RNF213: variants seen among roughly 807,000 people sequenced by gnomAD.
RNF213 encodes E3 ubiquitin-protein ligase RNF213.
In RNF213, 341 loss-of-function variants were observed where a neutral mutation model predicts 514.4. The observed-to-expected ratio is 0.66, with a 90% confidence interval of 0.61 to 0.73. The LOEUF is 0.73. Among genes scored for constraint, RNF213 ranks in the 30% least tolerant of loss-of-function variants. The pLI, the probability that RNF213 is intolerant of heterozygous loss-of-function variation, is 0.00. For missense variants in RNF213, 5,767 were observed against 6,615.6 expected (o/e 0.87, Z 4.45); for synonymous variants, 2,655 against 2,658.2 (o/e 1.00, Z 0.04).
rs2079819497 is a variant in RNF213 at position 80,377,747 on chromosome 17, C to G, written c.13511-15C>G. The G allele has an allele frequency of 6.2e-7, 1 of 1,614,124 alleles. No homozygotes were observed. The highest frequency in any genetic ancestry group is 8.5e-7 in the Non-Finnish European group (1 of 1,179,972). ...GAAACCTCATTAGCCAATGTGTGTC[C>G]TGTTCTCTTCACAGCTTGTCCCAAC... is the stretch of plus-strand genomic sequence containing the variant. On this transcript the variant is annotated splice_polypyrimidine_tract_variant and intron_variant, in intron 53 of 67. Transcript: ENST00000582970. This position sits in a 1 kb window ranked among gnomAD's most constrained non-coding sequence, Gnocchi z 4.1.
intron 11 of RNF213, among the ~76,000 whole-genome samples, chr17:80,300,610 G>A (rs2045141668): frequency 6.6e-6 from 1 of 152,042 alleles, no homozygotes; most frequent in South Asian, 2.1e-4. Flanking sequence ...CTGGATTGCA[G>A]TGGCACAATC....
At chr17:80,390,241 G>A (rs1190392620) in intron 67 of RNF213, 45 bp downstream of exon 67, 1 of 1,583,240 alleles carries the variant, frequency 6.3e-7, no homozygotes, top group Non-Finnish European at 8.7e-7. Context: ...ACAATGTTGT[G>A]CTGTCTCTCC....
At position 80,375,849 on chromosome 17, in the gene RNF213, A is replaced by C. The variant is rs1430733970; in HGVS notation, c.13164A>C (p.Ala4388=). The change falls in exon 51 of 68, where the codon GCA becomes GCC. Residue 4388 remains alanine (A), a synonymous_variant. Transcript: ENST00000582970. ...EVAILYRSHN[A]SLHPTPEQCE... ...CTATTTTGTACAGATCCCACAATGC[A>C]AGCCTCCACCCCACGCCAGAGGTGA... is the stretch of plus-strand genomic sequence containing the variant. The C allele has an allele frequency of 6.2e-7, 1 of 1,613,310 alleles. No homozygotes were observed. The highest frequency in any genetic ancestry group is 8.5e-7 in the Non-Finnish European group (1 of 1,179,230).
intron 42 of RNF213, 140 bp from the exon 43 acceptor site, chr17:80,367,608 A>G (rs2079328298): frequency 5.9e-6 from 4 of 678,824 alleles, no homozygotes; most frequent in Non-Finnish European, 1.1e-5. Flanking sequence ...CGTTAAACAC[A>G]GGATCACAAA....
Position 80,395,435 on chromosome 17 carries a change from CTG to C in RNF213, c.*1940_*1941del, listed in dbSNP as rs770013653. Reference sequence around the variant, plus strand: ...GCACCCATGAAGTAGTGTGTTCAGACTGTGCACACAGAAAACAGGCTCTGCCT... The same window carrying C: ...GCACCCATGAAGTAGTGTGTTCAGACTGCACACAGAAAACAGGCTCTGCCT... On this transcript the variant is annotated 3_prime_UTR_variant, in exon 68 of 68. Transcript: ENST00000582970. The C allele has an allele frequency of 1.2e-4, 18 of 152,318 alleles. No homozygotes were observed. The highest frequency in any genetic ancestry group is 2.1e-4 in the Non-Finnish European group (14 of 68,036). The allele number at this position is 152,318 out of a possible 1,614,324, so 9.4% of individuals were successfully genotyped here. A position where few individuals can be genotyped will look rare whatever the true frequency, so the allele number is the denominator to read the frequency against.
Position 80,364,477 on chromosome 17 carries a change from A to G in RNF213, c.11795A>G (p.His3932Arg), listed in dbSNP as rs532470781. ...TTCTCCACCGCACTCTTCGTGGAGCACGTGCTCCTAGGAACCGAGAGCCGC... is the reference window on the plus strand; with the variant it reads ...TTCTCCACCGCACTCTTCGTGGAGCGCGTGCTCCTAGGAACCGAGAGCCGC... Reference protein sequence around the residue: ...RIFSTALFVEHVLLGTESRVP... With the variant: ...RIFSTALFVERVLLGTESRVP... Residue 3932 changes from histidine to arginine, a missense_variant, in exon 42 of 68, where the codon CAC becomes CGC. Around this residue, in one of 13 missense-constraint regions of RNF213, gnomAD observed 355 missense variants for 358.0 expected, o/e 0.99. Transcript: ENST00000582970. 1 of 1,614,112 alleles carries G rather than the reference A, an allele frequency of 6.2e-7. No homozygotes were observed. Among genetic ancestry groups the G allele is most frequent in the East Asian group, 2.2e-5 (1 of 44,876 alleles).
intron 63 of RNF213, among the ~76,000 whole-genome samples, chr17:80,387,490 A>G (rs981079006): frequency 2.0e-5 from 3 of 152,224 alleles, no homozygotes; most frequent in African/African-American, 7.2e-5. Context: ...GTAACCTGCC[A>G]GCAGATGCCA....
chr17:80,387,003 G>A, intron 63 of RNF213, 112 bp downstream of exon 63: 1 of 1,057,696 alleles, frequency 9.5e-7, no homozygotes, highest in Non-Finnish European at 1.4e-6. Flanking sequence ...AGTCTGGTCT[G>A]TATCTCCTCC....
chr17:80,273,236 T>C lies in RNF213; in HGVS notation c.98-5T>C. The C allele has an allele frequency of 6.2e-7, 1 of 1,613,498 alleles. No homozygotes were observed. Among genetic ancestry groups the C allele is most frequent in the Non-Finnish European group, 8.5e-7 (1 of 1,179,910 alleles). On this transcript the variant is annotated splice_region_variant and splice_polypyrimidine_tract_variant and intron_variant, in intron 2 of 67. Transcript: ENST00000582970. ...ATCTGACCCTTCCTTCATCTGCCGT[T>C]ACAGATTCTGAGAACAATAACTCCA...
chr17:80,352,928 C>T lies in RNF213; in HGVS notation c.10304-12C>T. The stretch of plus-strand genomic sequence containing the variant: ...ACACAAAGACAGTTGTGGGTGGCTT[C>T]ACTCTTCACAGGGCTGTGGCAGTCT... On this transcript the variant is annotated splice_polypyrimidine_tract_variant and intron_variant, in intron 32 of 67. Coordinates refer to ENST00000582970, the MANE Select transcript of RNF213 (RefSeq NM_001256071.3). 1 of 1,614,034 alleles carries T rather than the reference C, an allele frequency of 6.2e-7. No individual in the cohort carries two copies. Among genetic ancestry groups the T allele is most frequent in the South Asian group, 1.1e-5 (1 of 91,090 alleles).
rs753192598 is a variant in RNF213, at chr17:80,389,380, C to G, written c.15195+13C>G. 1.2e-6 allele frequency: 2 copies of G among 1,612,782 alleles called. No homozygotes were observed. The highest frequency in any genetic ancestry group is 3.3e-5 in the Admixed American group (2 of 59,930). On this transcript the variant is annotated intron_variant, in intron 65 of 67. Transcript: ENST00000582970. ...TCACGTGTTAAAGGTGGGTCTCACA[C>G]CGAAAAGGAAATCAGCACAGCCCCT... is the stretch of plus-strand genomic sequence containing the variant.
intron 22 of RNF213, 32 bp downstream of exon 22, chr17:80,334,302 G>A: frequency 1.3e-6 from 2 of 1,512,352 alleles, no homozygotes; most frequent in South Asian, 2.4e-5. Flanking sequence ...GCGTGGAAGT[G>A]TGGAGAAAGT....
At chr17:80,330,636 C>T (rs1452007529) in intron 20 of RNF213, among the ~76,000 whole-genome samples, 1 of 152,250 alleles carries the variant, frequency 6.6e-6, no homozygotes, top group East Asian at 1.9e-4. Flanking sequence ...CTTCTGTTAG[C>T]TTCCTGAGAA....
rs139934539 is a variant in RNF213, at chr17:80,339,274, C to T, written c.4907C>T (p.Thr1636Met). Residue 1636 changes from threonine (T) to methionine (M), a missense_variant, in exon 26 of 68, where the codon ACG becomes ATG. Thr to Met is a moderately conservative substitution (Grantham distance 81, BLOSUM62 -1). Coordinates refer to ENST00000582970, the MANE Select transcript of RNF213 (RefSeq NM_001256071.3). ...TCTGCTGGGAATATGCTGTTCAGGA[C>T]GTGGATCGCCATGGCCTACTGCTCC... is the stretch of plus-strand genomic sequence containing the variant. ...LHSAGNMLFR[T>M]WIAMAYCSPK... 46 of 1,533,716 alleles carry T rather than the reference C, an allele frequency of 3.0e-5. No homozygotes were observed. The highest frequency in any genetic ancestry group is 9.6e-5 in the African/African-American group (7 of 73,098).
In RNF213 at chr17:80,390,141, T is replaced by C. The variant is rs1218317689; in HGVS notation, c.15415T>C (p.Leu5139=). 6.2e-7 allele frequency: 1 copy of C among 1,614,190 alleles called. No homozygotes were observed. Among genetic ancestry groups the C allele is most frequent in the East Asian group, 2.2e-5 (1 of 44,886 alleles). The change falls in exon 67 of 68, where the codon TTG becomes CTG. Residue 5139 remains leucine, a synonymous_variant. Coordinates refer to ENST00000582970, the MANE Select transcript of RNF213 (RefSeq NM_001256071.3). ...GCTAGAGCTGCACGAAATGATAATCTTGAAACTAAAGAACCCCCAAACCCA... is the reference window on the plus strand; with the variant it reads ...GCTAGAGCTGCACGAAATGATAATCCTGAAACTAAAGAACCCCCAAACCCA... ...FLLELHEMII[L]KLKNPQTQTE...
intron 32 of RNF213, chr17:80,352,453 A>C: frequency 2.4e-6 from 1 of 416,224 alleles, no homozygotes; most frequent in Non-Finnish European, 4.3e-6. Flanking sequence ...GCGGGGAGGG[A>C]GAGTGGCGGG....
At chr17:80,320,123 G>A in intron 17 of RNF213, 1 of 601,798 alleles carries the variant, frequency 1.7e-6, no homozygotes, top group Non-Finnish European at 2.1e-6. Context: ...CACAGTTAAT[G>A]ACAGAGCATT....
In RNF213 at chr17:80,352,966, G is replaced by A; in HGVS notation, c.10330G>A (p.Asp3444Asn). ...GGLWQSVHID[D>N]LRRSTLMVSD... The stretch of plus-strand genomic sequence containing the variant: ...GCTGTGGCAGTCTGTCCACATCGAT[G>A]ACCTCCGGAGATCCACCCTCATGGT... Residue 3444 changes from aspartate (D) to asparagine (N), a missense_variant, in exon 33 of 68, where the codon GAC (aspartate) becomes AAC (asparagine). Coordinates refer to ENST00000582970, the MANE Select transcript of RNF213 (RefSeq NM_001256071.3). The A allele has an allele frequency of 6.2e-7, 1 of 1,613,912 alleles. No homozygotes were observed. The highest frequency in any genetic ancestry group is 8.5e-7 in the Non-Finnish European group (1 of 1,180,026).
At position 80,285,015 on chromosome 17, in the gene RNF213, G is replaced by A. The variant is rs566863029; in HGVS notation, c.262-2800G>A. Among the ~76,000 whole-genome samples, 303 of 152,296 alleles carry A rather than the reference G, an allele frequency of 2.0e-3. 1 individual carries two copies. Among genetic ancestry groups the A allele is most frequent in the African/African-American group, 6.8e-3 (283 of 41,562 alleles). ...CTGATGTTACTCAAACCATGCAGCC[G>A]ATAACAGGGAGAGCCAAGGGACCAT... On this transcript the variant is annotated intron_variant, in intron 3 of 67. Coordinates refer to ENST00000582970, the MANE Select transcript of RNF213 (RefSeq NM_001256071.3).
Sources: allele counts gnomAD v4.1 joint callset (sites outside exome capture counted in the v4.1 genomes callset), GRCh38; gene constraint gnomAD v4.1.1; regional missense constraint gnomAD v4.1.1; non-coding constraint Gnocchi (gnomAD v3.1); transcripts MANE v1.5; gene names NCBI Gene and HGNC (gene_info 2026-07-23, HGNC 2026-07-21).